Variants in FANCL observed in about 807,000 individuals in gnomAD.
FANCL encodes the protein FA complementation group L, also known as E3 ubiquitin-protein ligase FANCL.
In FANCL, 69 loss-of-function variants were observed where a neutral mutation model predicts 59.4. That is an observed-to-expected ratio of 1.16 (90% CI 0.96 to 1.42). The LOEUF is 1.42. Ranked by LOEUF, FANCL falls within the 40% of genes most tolerant of loss-of-function variation. The pLI, the probability that FANCL is intolerant of heterozygous loss-of-function variation, is 0.00. For missense variants in FANCL, 519 were observed against 447.2 expected, an observed-to-expected ratio of 1.16 and a Z score of -1.45; for synonymous variants, 180 against 147.1, an observed-to-expected ratio of 1.22 and a Z score of -1.62.
At position 58,160,106 on chromosome 2, in the gene FANCL, A is replaced by C. The variant is rs1285250118; in HGVS notation, c.1092+2T>G. The C allele has an allele frequency of 6.2e-7, 1 of 1,612,306 alleles. No homozygotes were observed. The highest frequency in any genetic ancestry group is 2.2e-5 in the East Asian group (1 of 44,748). On this transcript the variant is annotated splice_donor_variant, in intron 13 of 13. Transcript: ENST00000233741. LOFTEE classifies it high-confidence loss of function. ...ATGAGATGTGATTAACAATTTGCTTACCTTACTACAATATGGACATTCACC... is the reference window on the plus strand; with the variant it reads ...ATGAGATGTGATTAACAATTTGCTTCCCTTACTACAATATGGACATTCACC...
intron 5 of FANCL, among the ~76,000 whole-genome samples, chr2:58,207,208 C>G (rs1690674208): frequency 6.6e-6 from 1 of 152,112 alleles, no homozygotes; most frequent in Admixed American, 6.6e-5. Context: ...CTGTAGACTA[C>G]AATTTGGACA....
intron 1 of FANCL, 45 bp from the exon 2 acceptor site, chr2:58,232,157 C>G: frequency 6.8e-7 from 1 of 1,475,758 alleles, no homozygotes; most frequent in East Asian, 2.3e-5. Flanking sequence ...TTATCTTTCA[C>G]TTAATGCTGA....
At chr2:58,233,595 C>A (rs1693765203) in intron 1 of FANCL, among the ~76,000 whole-genome samples, 1 of 151,892 alleles carries the variant, frequency 6.6e-6, no homozygotes, top group African/African-American at 2.4e-5. Context: ...ACACGATAAA[C>A]CTCAAATTAC....
At chr2:58,231,678 C>G (rs930770636) in intron 2 of FANCL, among the ~76,000 whole-genome samples, 4 of 152,182 alleles carry the variant, frequency 2.6e-5, no homozygotes, top group Admixed American at 2.0e-4. Flanking sequence ...CAGGACTGAA[C>G]TGATGTGACT....
rs1282024910 is a variant in FANCL at position 58,241,243 on chromosome 2, A to G, written c.71T>C (p.Val24Ala). The change falls in exon 1 of 14, where the codon GTG becomes GCG. Residue 24 changes from valine (V) to alanine (A), a missense_variant. Val to Ala is a moderately conservative substitution (Grantham distance 64). Transcript: ENST00000233741. ...CTGAGCCGAGATGAATCCCTCATAC[A>G]CGGTTTTCGACCGGTTCTGGGGCAG... ...LLLPQNRSKT[V>A]YEGFISAQGR... The G allele has an allele frequency of 1.3e-5, 21 of 1,614,078 alleles. No homozygotes were observed. The highest frequency in any genetic ancestry group is 1.7e-5 in the Non-Finnish European group (20 of 1,180,032).
At chr2:58,173,968 A>T (rs554838435) in intron 7 of FANCL, among the ~76,000 whole-genome samples, 1 of 152,192 alleles carries the variant, frequency 6.6e-6, no homozygotes, top group Admixed American at 6.5e-5. Flanking sequence ...GAAAACAAAA[A>T]AAGGCAGGGG....
intron 5 of FANCL, among the ~76,000 whole-genome samples, chr2:58,215,503 T>C (rs1468037066): frequency 1.3e-5 from 2 of 151,080 alleles, no homozygotes; most frequent in African/African-American, 4.9e-5. Flanking sequence ...AAAAAGAAAA[T>C]GGGGGAAAAA....
At chr2:58,218,111 A>G (rs1490032341) in intron 5 of FANCL, among the ~76,000 whole-genome samples, 1 of 152,098 alleles carries the variant, frequency 6.6e-6, no homozygotes, top group Non-Finnish European at 1.5e-5. Flanking sequence ...ATGAAAATTA[A>G]TATTTTTAAC....
At chr2:58,197,081 A>G (rs928061434) in intron 7 of FANCL, among the ~76,000 whole-genome samples, 3 of 151,726 alleles carry the variant, frequency 2.0e-5, no homozygotes, top group African/African-American at 4.8e-5. Context: ...CAAAATACCA[A>G]AAGCAAATTA....
intron 1 of FANCL, among the ~76,000 whole-genome samples, chr2:58,232,777 C>G (rs1236537144): frequency 6.6e-6 from 1 of 151,814 alleles, no homozygotes; most frequent in Non-Finnish European, 1.5e-5. Context: ...ATTTTACTTT[C>G]TTGGAAAAGT....
chr2:58,160,624 G>C (rs1194258091), intron 12 of FANCL, among the ~76,000 whole-genome samples: 1 of 151,898 alleles, frequency 6.6e-6, no homozygotes, highest in Non-Finnish European at 1.5e-5. Flanking sequence ...CTAACAGTGG[G>C]TTAATTTTCA....
chr2:58,167,419 C>T (rs555892604), intron 7 of FANCL, among the ~76,000 whole-genome samples: 2 of 148,332 alleles, frequency 1.3e-5, no homozygotes, highest in South Asian at 4.1e-4. Context: ...TCTCCTTTCT[C>T]TGTCTGTTTC....
chr2:58,240,232 GA>G (rs1410131063), intron 1 of FANCL, among the ~76,000 whole-genome samples: 2 of 152,126 alleles, frequency 1.3e-5, no homozygotes, highest in Admixed American at 1.3e-4. Context: ...GGGAAAGGTG[GA>G]TTAACTTTTT....
intron 12 of FANCL, among the ~76,000 whole-genome samples, chr2:58,160,892 C>A (rs987261691): frequency 4.6e-5 from 7 of 151,916 alleles, no homozygotes; most frequent in African/African-American, 9.7e-5. Flanking sequence ...AGGCAACATA[C>A]AATTGCAAGG....
intron 8 of FANCL, among the ~76,000 whole-genome samples, chr2:58,164,834 G>A (rs941876035): frequency 2.6e-5 from 4 of 151,856 alleles, no homozygotes; most frequent in Non-Finnish European, 5.9e-5. Flanking sequence ...TTGAAACCAG[G>A]AAAGTACCAA....
At position 58,213,966 on chromosome 2, in the gene FANCL, C is replaced by G. The variant is rs563722600; in HGVS notation, c.374+7976G>C. ...ATCGGAGCTGCCCTATGGGACAACT[C>G]TAGGGAGCATCATTCACACAGAATG... On this transcript the variant is annotated intron_variant, in intron 5 of 13. Transcript: ENST00000233741. Among the ~76,000 whole-genome samples the G allele has an allele frequency of 9.2e-5, 14 of 152,244 alleles. No individual in the cohort carries two copies. In the South Asian group the frequency reaches 2.9e-3, roughly 32 times the overall value.
chr2:58,231,298 C>G (rs1177978613), intron 2 of FANCL, among the ~76,000 whole-genome samples: 1 of 152,144 alleles, frequency 6.6e-6, no homozygotes, highest in Non-Finnish European at 1.5e-5. Context: ...ATCTGCACTC[C>G]AGGTCTCACA....
At chr2:58,179,683 T>G (rs764591934) in intron 7 of FANCL, among the ~76,000 whole-genome samples, 4 of 152,132 alleles carry the variant, frequency 2.6e-5, no homozygotes, top group Non-Finnish European at 5.9e-5. Flanking sequence ...GGGCAAAGAC[T>G]TCATGACTAA....
At chr2:58,229,587 T>G (rs144606047) in intron 3 of FANCL, among the ~76,000 whole-genome samples, 1 of 152,184 alleles carries the variant, frequency 6.6e-6, no homozygotes, top group Non-Finnish European at 1.5e-5. Flanking sequence ...GTGAATGCAT[T>G]TGAAGAACCT....
Sources: allele counts gnomAD v4.1 joint callset (sites outside exome capture counted in the v4.1 genomes callset), GRCh38; gene constraint gnomAD v4.1.1; transcripts MANE v1.5; gene names NCBI Gene and HGNC (gene_info 2026-07-23, HGNC 2026-07-21).